FABP7: variants seen among roughly 807,000 people sequenced by gnomAD.
The protein encoded by FABP7 is fatty acid-binding protein, brain.
FABP7 carries 13 observed loss-of-function variants against 14.2 expected under a neutral mutation model. That is an observed-to-expected ratio of 0.91 (90% CI 0.59 to 1.45). FABP7 has a LOEUF of 1.45. Ranked by LOEUF, FABP7 falls within the 40% of genes most tolerant of loss-of-function variation. FABP7 has a pLI of 0.00. For missense variants in FABP7, 149 were observed against 157.6 expected (o/e 0.95, Z 0.29); for synonymous variants, 49 against 51.4 (o/e 0.95, Z 0.20).
the FABP7 span, among the ~76,000 whole-genome samples, chr6:122,772,205 A>G: frequency 2.0e-5 from 3 of 152,186 alleles, no homozygotes; most frequent in Non-Finnish European, 4.4e-5. Flanking sequence ...GAGTTGTTGC[A>G]TATGAATGAC....
chr6:122,760,665 A>G, the FABP7 span, among the ~76,000 whole-genome samples: 11 of 152,056 alleles, frequency 7.2e-5, no homozygotes, highest in East Asian at 1.9e-3. Context: ...GAAAAATATG[A>G]TTGGGGAGTG....
chr6:122,770,720 T>C, the FABP7 span, among the ~76,000 whole-genome samples: 1 of 152,156 alleles, frequency 6.6e-6, no homozygotes, highest in Admixed American at 6.6e-5. Flanking sequence ...ATTCTAATGA[T>C]CTTCCAGTTT....
chr6:122,766,391 G>T, the FABP7 span, among the ~76,000 whole-genome samples: 2 of 152,088 alleles, frequency 1.3e-5, no homozygotes, highest in African/African-American at 2.4e-5. Flanking sequence ...AAGGAACACA[G>T]CTGTAATCAC....
At chr6:122,783,162 G>T (rs9490550) in intron 3 of FABP7, 423,467 of 985,040 alleles carry the variant, frequency 0.43, 91,935 homozygotes, top group Non-Finnish European at 0.44. Context: ...GAGTAATAGA[G>T]CTGATGTTCC....
upstream of FABP7, among the ~76,000 whole-genome samples, chr6:122,778,882 T>C (rs138045030): frequency 6.6e-6 from 1 of 152,316 alleles, no homozygotes; most frequent in East Asian, 1.9e-4. Context: ...TAAATAATCT[T>C]CTGTCCAGTT....
chr6:122,780,497 G>C (rs778595984), intron 2 of FABP7, 34 bp downstream of exon 2: 5 of 1,593,922 alleles, frequency 3.1e-6, no homozygotes, highest in Non-Finnish European at 4.3e-6. Flanking sequence ...AGTGGGGATG[G>C]GGAGAGGGGA....
chr6:122,761,999 C>T, the FABP7 span, among the ~76,000 whole-genome samples: 2 of 151,816 alleles, frequency 1.3e-5, no homozygotes, highest in African/African-American at 4.9e-5. Flanking sequence ...GAAACTATTC[C>T]AATCAATAGA....
chr6:122,756,131 T>C, the FABP7 span, among the ~76,000 whole-genome samples: 1 of 152,190 alleles, frequency 6.6e-6, no homozygotes, highest in African/African-American at 2.4e-5. Flanking sequence ...GCCAGGTTCC[T>C]GGAGACATGA....
chr6:122,768,742 C>T, the FABP7 span, among the ~76,000 whole-genome samples: 1 of 152,048 alleles, frequency 6.6e-6, no homozygotes. Flanking sequence ...TTTGTGCCCC[C>T]AGATAATCAG....
chr6:122,756,953 T>C, the FABP7 span, among the ~76,000 whole-genome samples: 2 of 152,188 alleles, frequency 1.3e-5, no homozygotes, highest in African/African-American at 4.8e-5. Flanking sequence ...TTATGAAAGC[T>C]GGAGAGTTCC....
At chr6:122,749,213 G>A in the FABP7 span, among the ~76,000 whole-genome samples, 1 of 152,056 alleles carries the variant, frequency 6.6e-6, no homozygotes, top group South Asian at 2.1e-4. Flanking sequence ...TTCTTTCTTT[G>A]GAGGCAAAAA....
the FABP7 span, among the ~76,000 whole-genome samples, chr6:122,764,462 C>G: frequency 6.6e-6 from 1 of 151,944 alleles, no homozygotes; most frequent in African/African-American, 2.4e-5. Flanking sequence ...GGGTGCAGCA[C>G]ACCAACATGG....
At chr6:122,772,787 T>G in the FABP7 span, among the ~76,000 whole-genome samples, 64 of 152,262 alleles carry the variant, frequency 4.2e-4, no homozygotes, top group East Asian at 0.012. Flanking sequence ...AATTCACTCA[T>G]TTTTTCCTAC....
chr6:122,756,760 G>A, the FABP7 span, among the ~76,000 whole-genome samples: 3 of 152,172 alleles, frequency 2.0e-5, no homozygotes, highest in African/African-American at 7.2e-5. Flanking sequence ...ACATTACCCA[G>A]TCTGAAGATC....
chr6:122,755,555 G>A, the FABP7 span, among the ~76,000 whole-genome samples: 50 of 149,296 alleles, frequency 3.3e-4, no homozygotes, highest in Admixed American at 5.4e-4. Flanking sequence ...CCGGGTTCAC[G>A]CCATTCTCCT....
chr6:122,752,017 CA>C, the FABP7 span, among the ~76,000 whole-genome samples: 1 of 152,128 alleles, frequency 6.6e-6, no homozygotes, highest in South Asian at 2.1e-4. Flanking sequence ...TCCCCAAACC[CA>C]AATGCTTTGA....
the FABP7 span, among the ~76,000 whole-genome samples, chr6:122,751,138 G>A: frequency 3.3e-5 from 5 of 152,070 alleles, no homozygotes; most frequent in Non-Finnish European, 5.9e-5. Context: ...TCATAAAATT[G>A]TTGTCAATTA....
upstream of FABP7, among the ~76,000 whole-genome samples, chr6:122,778,868 T>C (rs180692616): frequency 4.6e-5 from 7 of 152,298 alleles, no homozygotes; most frequent in East Asian, 1.3e-3. Context: ...ATTTAAAGTC[T>C]TACTAAATAA....
upstream of FABP7, chr6:122,779,702 C>T: frequency 8.4e-7 from 1 of 1,193,968 alleles, no homozygotes. Context: ...AAGGCAGGAG[C>T]TGCTTGCTGA....
Sources: gnomAD v4.1 joint callset for allele counts (sites outside exome capture counted in the v4.1 genomes callset) on GRCh38, gnomAD v4.1.1 for gene constraint, MANE v1.5 for transcripts, NCBI Gene and HGNC (gene_info 2026-07-23, HGNC 2026-07-21) for gene names.